The following SUPT16H variants were observed in gnomAD, a reference collection of about 807,000 sequenced individuals.
The protein encoded by SUPT16H is FACT complex subunit SPT16.
Under a neutral mutation model 136.2 loss-of-function variants are expected in SUPT16H, and 24 were observed. The observed-to-expected ratio is 0.18, with a 90% confidence interval of 0.13 to 0.25. SUPT16H has a LOEUF of 0.25. Ranked by LOEUF, SUPT16H falls within the 10% of genes least tolerant of loss-of-function variation. SUPT16H has a pLI of 1.00. For synonymous variants in SUPT16H, 415 were observed against 428.2 expected, an observed-to-expected ratio of 0.97 and a Z score of 0.38; for missense variants, 623 against 1,270.2, an observed-to-expected ratio of 0.49 and a Z score of 7.74.
At position 21,352,440 on chromosome 14, in the gene SUPT16H, C is replaced by T. The variant is rs993049208; in HGVS notation, c.*233G>A. The T allele has an allele frequency of 3.9e-5, 23 of 582,428 alleles. No homozygotes were observed. In the African/African-American group the frequency reaches 4.1e-4, roughly 10 times the overall value. The allele number at this position is 582,428 out of a possible 1,614,324, so 36.1% of individuals were successfully genotyped here. A position where few individuals can be genotyped will look rare whatever the true frequency, so the allele number is the denominator to read the frequency against. ...TATTTATTAACAGCGGGAGCCTCCT[C>T]CTGTCTTCAAGAACACCTCCTCCCT... is the stretch of plus-strand genomic sequence containing the variant. On this transcript the variant is annotated 3_prime_UTR_variant, in exon 26 of 26. Transcript: ENST00000216297.
chr14:21,367,523 G>C (rs1370387403), intron 7 of SUPT16H, among the ~76,000 whole-genome samples: 4 of 152,112 alleles, frequency 2.6e-5, no homozygotes, highest in Admixed American at 2.0e-4. Context: ...ACTATCTATG[G>C]CTATGATTTC....
At chr14:21,382,066 C>T (rs887450463) in intron 1 of SUPT16H, among the ~76,000 whole-genome samples, 2 of 152,208 alleles carry the variant, frequency 1.3e-5, no homozygotes, top group Non-Finnish European at 2.9e-5. Flanking sequence ...AAACTACTAT[C>T]TCTGATTAAG....
chr14:21,375,211 A>G (rs1886875487), intron 1 of SUPT16H, among the ~76,000 whole-genome samples: 1 of 151,228 alleles, frequency 6.6e-6, no homozygotes, highest in African/African-American at 2.4e-5. Context: ...ACGAGGTTTC[A>G]CCATGTTGGC....
At chr14:21,378,157 C>T (rs1177314970) in intron 1 of SUPT16H, among the ~76,000 whole-genome samples, 1 of 149,066 alleles carries the variant, frequency 6.7e-6, no homozygotes, top group Non-Finnish European at 1.5e-5. Context: ...AGACTGGTAA[C>T]AGGATAATGT....
rs758694749 is a variant in SUPT16H, at chr14:21,371,829, T to C, written c.330+45A>G. 3.7e-6 allele frequency: 6 copies of C among 1,605,620 alleles called. No individual in the cohort carries two copies. In the South Asian group the frequency reaches 5.6e-5, roughly 15 times the overall value. On this transcript the variant is annotated intron_variant, in intron 3 of 25. Coordinates refer to ENST00000216297, the MANE Select transcript of SUPT16H (RefSeq NM_007192.4). ...ATAAGGCATTTCTGTTCATCCCTTT[T>C]GAAGATTCTTCCACATTTATGACAC...
At position 21,380,296 on chromosome 14, in the gene SUPT16H, A is replaced by ATTTTT. The variant is rs60588939; in HGVS notation, c.66+3561_66+3565dup. On this transcript the variant is annotated intron_variant, in intron 1 of 25. Transcript: ENST00000216297. ...CTGACAGATACTGATGGAAGACTGA[A>ATTTTT]TTTTTTTTTTTTTTTTAAAGAAATG... Among the ~76,000 whole-genome samples, 42 of 112,032 alleles carry ATTTTT rather than the reference A, an allele frequency of 3.7e-4. 1 individual carries two copies. Among genetic ancestry groups the ATTTTT allele is most frequent in the Non-Finnish European group, 5.8e-4 (32 of 55,586 alleles). 73.5% of individuals were successfully genotyped at this position (112,032 alleles called of 152,430 possible).
At chr14:21,353,921 T>C in intron 23 of SUPT16H, 89 bp from the exon 24 acceptor site, 1 of 1,285,440 alleles carries the variant, frequency 7.8e-7, no homozygotes, top group Non-Finnish European at 1.0e-6. Flanking sequence ...TATACCAGTA[T>C]TTACATGAAG....
Position 21,363,482 on chromosome 14 carries a change from T to C in SUPT16H, c.1255A>G (p.Thr419Ala). Residue 419 changes from threonine (T) to alanine (A), a missense_variant, in exon 11 of 26, where the codon ACT becomes GCT. By Grantham distance (58) the Thr-to-Ala change is moderately conservative. Coordinates refer to ENST00000216297, the MANE Select transcript of SUPT16H (RefSeq NM_007192.4). ...VDEDGPATVL[T>A]SVKKKVKNVG... ...TTCTTCACTTTCTTCTTCACAGAAG[T>C]GAGAACAGTAGCTGGGCCATCCTAG... 1 of 1,613,652 alleles carries C rather than the reference T, an allele frequency of 6.2e-7. No homozygotes were observed. The highest frequency in any genetic ancestry group is 8.5e-7 in the Non-Finnish European group (1 of 1,179,892).
rs958132628 is a variant in SUPT16H at position 21,384,012 on chromosome 14, A to C, written c.-85T>G. On this transcript the variant is annotated 5_prime_UTR_variant, in exon 1 of 26. Transcript: ENST00000216297. ...CCCGCTCTCGGCCCAGGAATCCCGC[A>C]CTCTCCCAATGACCCGGAAGTATCG... is the stretch of plus-strand genomic sequence containing the variant. 2 of 1,501,776 alleles carry C rather than the reference A, an allele frequency of 1.3e-6. No homozygotes were observed. Among genetic ancestry groups the C allele is most frequent in the Admixed American group, 1.7e-5 (1 of 59,030 alleles). 93.0% of individuals were successfully genotyped at this position (1,501,776 alleles called of 1,614,324 possible).
intron 3 of SUPT16H, among the ~76,000 whole-genome samples, 183 bp downstream of exon 3, chr14:21,371,691 A>G (rs1049631723): frequency 2.6e-5 from 4 of 152,264 alleles, no homozygotes; most frequent in South Asian, 4.1e-4. Context: ...GTTTTACAGC[A>G]GAACTGATAG....
At chr14:21,360,612 GCACAGGGTCAGAGGAAACAC>G in intron 17 of SUPT16H, 79 bp from the exon 18 acceptor site, 1 of 1,340,220 alleles carries the variant, frequency 7.5e-7, no homozygotes, top group Non-Finnish European at 1.1e-6. Flanking sequence ...TGGCTGATTT[GCACAGGGTCAGAGGAAACAC>G]CAACAGCTGT....
At chr14:21,376,832 T>C (rs1175866908) in intron 1 of SUPT16H, among the ~76,000 whole-genome samples, 1 of 152,206 alleles carries the variant, frequency 6.6e-6, no homozygotes, top group Admixed American at 6.5e-5. Flanking sequence ...ATAAAGCACT[T>C]CTGTGTGCAG....
At chr14:21,374,879 CTGTT>C (rs779489814) in intron 1 of SUPT16H, among the ~76,000 whole-genome samples, 1 of 152,214 alleles carries the variant, frequency 6.6e-6, no homozygotes, top group African/African-American at 2.4e-5. Flanking sequence ...AATCATCAGA[CTGTT>C]TGTCACCATG....
intron 18 of SUPT16H, among the ~76,000 whole-genome samples, chr14:21,360,097 G>A (rs1479275661): frequency 1.3e-5 from 2 of 151,994 alleles, no homozygotes; most frequent in South Asian, 2.1e-4. Context: ...GCGCGATCTC[G>A]GCTCACTGCA....
chr14:21,359,996 C>A (rs566533125), intron 18 of SUPT16H, among the ~76,000 whole-genome samples: 2 of 152,142 alleles, frequency 1.3e-5, no homozygotes, highest in Non-Finnish European at 2.9e-5. Flanking sequence ...TTTATTTAAT[C>A]CTCTTAAATG....
intron 1 of SUPT16H, among the ~76,000 whole-genome samples, chr14:21,375,010 A>T (rs1022881900): frequency 6.6e-6 from 1 of 151,888 alleles, no homozygotes. Context: ...GTAAATTAGT[A>T]TCCTGCTTTT....
Position 21,381,613 on chromosome 14 carries a change from T to A in SUPT16H, c.66+2249A>T, listed in dbSNP as rs959444793. Among the ~76,000 whole-genome samples, 421 of 151,916 alleles carry A rather than the reference T, an allele frequency of 2.8e-3. 4 individuals carry two copies. The highest frequency in any genetic ancestry group is 7.8e-3 in the African/African-American group (323 of 41,414). ...AAGCAAAAGGCTTGGGATTTATTTT[T>A]TTTTTTTTTAATTTATTTTTTAAAG... On this transcript the variant is annotated intron_variant, in intron 1 of 25. Coordinates refer to ENST00000216297, the MANE Select transcript of SUPT16H (RefSeq NM_007192.4).
At chr14:21,366,176 A>G (rs1456569156) in intron 8 of SUPT16H, among the ~76,000 whole-genome samples, 1 of 152,212 alleles carries the variant, frequency 6.6e-6, no homozygotes, top group African/African-American at 2.4e-5. Context: ...ATGTATTGAT[A>G]ATATTTCCTA....
In SUPT16H at chr14:21,352,197, C is replaced by G. The variant is rs560865407; in HGVS notation, c.*476G>C. 6.2e-6 allele frequency: 1 copy of G among 161,464 alleles called. No individual in the cohort carries two copies. Among genetic ancestry groups the G allele is most frequent in the Non-Finnish European group, 1.4e-5 (1 of 72,314 alleles). The allele number at this position is 161,464 out of a possible 1,614,324, so 10.0% of individuals were successfully genotyped here. A position where few individuals can be genotyped will look rare whatever the true frequency, so the allele number is the denominator to read the frequency against. ...ACAACCATTAGCAAATTTCCGAGAA[C>G]CTTGAGTATTGCAAAGATAAAACTT... On this transcript the variant is annotated 3_prime_UTR_variant, in exon 26 of 26. Transcript: ENST00000216297.
Sources: gnomAD v4.1 joint callset for allele counts (sites outside exome capture counted in the v4.1 genomes callset) on GRCh38, gnomAD v4.1.1 for gene constraint, MANE v1.5 for transcripts, NCBI Gene and HGNC (gene_info 2026-07-23, HGNC 2026-07-21) for gene names.